TENM2: variants seen among roughly 807,000 people sequenced by gnomAD.
TENM2 encodes the protein teneurin-2.
A neutral mutation model predicts 245.2 loss-of-function variants in TENM2; 52 were observed. The observed-to-expected ratio is 0.21, with a 90% CI of 0.17 to 0.27. TENM2 has a LOEUF of 0.27. TENM2 is among the 10% of genes least tolerant of loss of function. The pLI is 1.00. For missense variants in TENM2, 3,046 were observed against 3,666.8 expected, an observed-to-expected ratio of 0.83 and a Z score of 4.37; for synonymous variants, 1,363 against 1,438.9, an observed-to-expected ratio of 0.95 and a Z score of 1.19.
At chr5:167,614,393 C>A (rs1777653950) in intron 2 of TENM2, among the ~76,000 whole-genome samples, 2 of 152,090 alleles carry the variant, frequency 1.3e-5, no homozygotes, top group Admixed American at 6.6e-5. Context: ...CCAAGGTCAA[C>A]TTTTGGCTCC....
the TENM2 span, among the ~76,000 whole-genome samples, chr5:167,248,624 TGC>T: frequency 6.6e-6 from 1 of 152,238 alleles, no homozygotes; most frequent in African/African-American, 2.4e-5. Context: ...TTTGAATTGA[TGC>T]TGTGTGTGTG....
At chr5:167,787,115 T>C (rs1005419775) in intron 2 of TENM2, among the ~76,000 whole-genome samples, 1 of 152,170 alleles carries the variant, frequency 6.6e-6, no homozygotes, top group Admixed American at 6.5e-5. Context: ...CTGTTCAAGG[T>C]TCTAAACTGT....
intron 5 of TENM2, among the ~76,000 whole-genome samples, chr5:167,998,706 C>T (rs1401116544): frequency 6.6e-6 from 1 of 152,078 alleles, no homozygotes; most frequent in Non-Finnish European, 1.5e-5. Context: ...TAGAAAGTCA[C>T]CTTGTCTTTT....
chr5:167,430,255 C>T (rs949306060), intron 2 of TENM2, among the ~76,000 whole-genome samples: 3 of 152,098 alleles, frequency 2.0e-5, no homozygotes, highest in Middle Eastern at 3.2e-3. Context: ...CACTTACTTC[C>T]CTAAGCCTCA....
chr5:167,095,658 A>G, the TENM2 span, among the ~76,000 whole-genome samples: 2 of 152,300 alleles, frequency 1.3e-5, no homozygotes, highest in South Asian at 2.1e-4. Flanking sequence ...AACGCCTACA[A>G]TAAAATCCAT....
the TENM2 span, among the ~76,000 whole-genome samples, chr5:166,994,646 G>A: frequency 2.4e-4 from 36 of 152,288 alleles, no homozygotes; most frequent in East Asian, 6.6e-3. Context: ...TGGGGGAAAG[G>A]CAGGCTTTTA....
intron 17 of TENM2, among the ~76,000 whole-genome samples, chr5:168,201,051 ACC>A (rs1409811622): frequency 1.3e-5 from 2 of 152,006 alleles, no homozygotes; most frequent in Non-Finnish European, 2.9e-5. Context: ...CCTCTCAATA[ACC>A]CCTCAAGTAG....
At chr5:167,610,942 A>G (rs889804727) in intron 2 of TENM2, among the ~76,000 whole-genome samples, 1 of 152,192 alleles carries the variant, frequency 6.6e-6, no homozygotes, top group Non-Finnish European at 1.5e-5. Context: ...AAATTTTATT[A>G]CATACTTTCT....
the TENM2 span, among the ~76,000 whole-genome samples, chr5:167,084,327 T>TTATTTATATATATATATGTATATA: frequency 8.6e-5 from 2 of 23,180 alleles, no homozygotes; most frequent in African/African-American, 1.8e-4. Context: ...GCCATTTTAG[T>TTATTTATATATATATATGTATATA]TATATATATA....
chr5:168,192,078 T>C (rs946139728), intron 14 of TENM2, among the ~76,000 whole-genome samples: 4 of 152,176 alleles, frequency 2.6e-5, no homozygotes, highest in African/African-American at 7.2e-5. Flanking sequence ...CCTAGCGATA[T>C]CATGTTGGGC....
At chr5:167,522,677 G>A (rs1314387451) in intron 2 of TENM2, among the ~76,000 whole-genome samples, 1 of 151,928 alleles carries the variant, frequency 6.6e-6, no homozygotes, top group African/African-American at 2.4e-5. Flanking sequence ...TAGCATAGAG[G>A]AAAAATGAGT....
chr5:167,663,949 G>C (rs2150331805), intron 2 of TENM2, among the ~76,000 whole-genome samples: 1 of 152,208 alleles, frequency 6.6e-6, no homozygotes, highest in African/African-American at 2.4e-5. Context: ...TTCAAATATA[G>C]TTATAGGCTG....
the TENM2 span, among the ~76,000 whole-genome samples, chr5:167,263,964 G>T: frequency 1.3e-5 from 2 of 151,930 alleles, no homozygotes; most frequent in Admixed American, 1.3e-4. Flanking sequence ...AATTAGTTGG[G>T]TGTAGTGGCA....
chr5:168,064,418 C>T (rs530955107), intron 7 of TENM2, among the ~76,000 whole-genome samples: 1 of 152,098 alleles, frequency 6.6e-6, no homozygotes, highest in African/African-American at 2.4e-5. Context: ...CTGCTTGCCC[C>T]CTTCTCTTGC....
chr5:168,073,823 G>A (rs987322649), intron 7 of TENM2, among the ~76,000 whole-genome samples: 2 of 152,230 alleles, frequency 1.3e-5, no homozygotes, highest in African/African-American at 4.8e-5. Flanking sequence ...AGGAGACCCT[G>A]TGTTCAGACA....
chr5:167,971,395 GGGTT>G (rs35744304), intron 4 of TENM2, among the ~76,000 whole-genome samples: 67,332 of 151,682 alleles, frequency 0.44, 15,872 homozygotes, highest in East Asian at 0.67. Context: ...AACATGAATT[GGGTT>G]GGCCAAAACA....
At chr5:167,638,332 T>C (rs1025209450) in intron 2 of TENM2, among the ~76,000 whole-genome samples, 3 of 152,178 alleles carry the variant, frequency 2.0e-5, no homozygotes, top group African/African-American at 7.2e-5. Flanking sequence ...GCACAAATAA[T>C]CACTTAATTT....
At chr5:167,167,183 G>A in the TENM2 span, among the ~76,000 whole-genome samples, 4 of 152,150 alleles carry the variant, frequency 2.6e-5, no homozygotes, top group African/African-American at 9.7e-5. Flanking sequence ...TATTGGATCA[G>A]CAAGTCCCGT....
chr5:168,016,905 G>A (rs1785704951), intron 5 of TENM2, among the ~76,000 whole-genome samples: 3 of 152,166 alleles, frequency 2.0e-5, no homozygotes, highest in Admixed American at 2.0e-4. Context: ...ACAGCTTTTT[G>A]CAAAGTGCAT....
Sources: allele counts gnomAD v4.1 joint callset (sites outside exome capture counted in the v4.1 genomes callset), GRCh38; gene constraint gnomAD v4.1.1; transcripts MANE v1.5; gene names NCBI Gene and HGNC (gene_info 2026-07-23, HGNC 2026-07-21).